Variants in ATP10A observed in about 807,000 individuals in gnomAD.
The protein encoded by ATP10A is phospholipid-transporting ATPase VA.
A neutral mutation model predicts 147.8 loss-of-function variants in ATP10A; 111 were observed. That is an observed-to-expected ratio of 0.75 (90% CI 0.64 to 0.88). The LOEUF (loss-of-function observed/expected upper bound fraction) is 0.88, where lower values mean the gene tolerates loss of function less well. ATP10A is among the 40% of genes least tolerant of loss of function. ATP10A has a pLI of 0.00. For synonymous variants in ATP10A, 875 were observed against 841.6 expected (o/e 1.04, Z -0.69); for missense variants, 1,927 against 1,959.0 (o/e 0.98, Z 0.31).
intron 1 of ATP10A, among the ~76,000 whole-genome samples, chr15:25,833,465 C>A (rs867588201): frequency 1.3e-5 from 2 of 152,080 alleles, no homozygotes; most frequent in Admixed American, 6.6e-5. Context: ...CTTGTGATAA[C>A]CCTCACTTTT....
chr15:25,687,845 A>T lies in ATP10A; in HGVS notation c.3166-17T>A, dbSNP rs1354506992. On this transcript the variant is annotated splice_polypyrimidine_tract_variant and intron_variant, in intron 15 of 20. Coordinates refer to ENST00000555815, the MANE Select transcript of ATP10A (RefSeq NM_024490.4). ...CATCACTGCCTTCAAAGGGAGAGGGATTCCTGTTACTGGTGATGCCGACCT... is the reference window on the plus strand; with the variant it reads ...CATCACTGCCTTCAAAGGGAGAGGGTTTCCTGTTACTGGTGATGCCGACCT... 6.2e-7 allele frequency: 1 copy of T among 1,613,732 alleles called. No individual in the cohort carries two copies. The highest frequency in any genetic ancestry group is 8.5e-7 in the Non-Finnish European group (1 of 1,179,806).
chr15:25,748,900 C>CAA (rs763523700), intron 2 of ATP10A, among the ~76,000 whole-genome samples: 1 of 136,394 alleles, frequency 7.3e-6, no homozygotes. Context: ...ACTAAAAATA[C>CAA]AAAAAAAAAA....
chr15:25,723,958 T>C lies in ATP10A; in HGVS notation c.1043A>G (p.Asp348Gly). The C allele has an allele frequency of 6.2e-7, 1 of 1,611,532 alleles. No individual in the cohort carries two copies. Among genetic ancestry groups the C allele is most frequent in the Non-Finnish European group, 8.5e-7 (1 of 1,179,068 alleles). Residue 348 changes from aspartate to glycine, a missense_variant, in exon 6 of 21, where the codon GAT becomes GGT. Asp to Gly is a moderately conservative substitution (Grantham distance 94). Coordinates refer to ENST00000555815, the MANE Select transcript of ATP10A (RefSeq NM_024490.4). ...TGTGACTGGGGATAAGGAGCTTCCA[T>C]CAGACTTGGGGACATAAAATAATGA... ...KKSLFYVPKS[D>G]GSSLSPVTAA...
chr15:25,856,048 T>C (rs140970592), intron 1 of ATP10A, among the ~76,000 whole-genome samples: 26 of 152,308 alleles, frequency 1.7e-4, no homozygotes, highest in African/African-American at 5.8e-4. Flanking sequence ...TCTGTACTAT[T>C]TTTGCAACTT....
intron 12 of ATP10A, among the ~76,000 whole-genome samples, chr15:25,707,679 C>T (rs568539833): frequency 6.6e-6 from 1 of 152,236 alleles, no homozygotes; most frequent in South Asian, 2.1e-4. Context: ...CTTTCAACTC[C>T]CAACTGTCAG....
intron 5 of ATP10A, among the ~76,000 whole-genome samples, chr15:25,725,345 G>A (rs1409249727): frequency 6.6e-6 from 1 of 152,172 alleles, no homozygotes; most frequent in Non-Finnish European, 1.5e-5. Context: ...AAAGTATAGA[G>A]GAGGGTATAG....
At chr15:25,824,317 T>C (rs1163609908) in intron 1 of ATP10A, among the ~76,000 whole-genome samples, 1 of 151,502 alleles carries the variant, frequency 6.6e-6, no homozygotes, top group Non-Finnish European at 1.5e-5. Context: ...ATTAAAAAAA[T>C]ACAAAGAAAT....
intron 1 of ATP10A, among the ~76,000 whole-genome samples, chr15:25,839,280 T>C (rs980795957): frequency 1.3e-5 from 2 of 152,190 alleles, no homozygotes; most frequent in African/African-American, 4.8e-5. Flanking sequence ...CAAGAACAAG[T>C]ACATTAAAAT....
chr15:25,723,742 G>C, intron 6 of ATP10A, 149 bp downstream of exon 6: 2 of 607,478 alleles, frequency 3.3e-6, no homozygotes, highest in East Asian at 6.7e-5. Flanking sequence ...TGGTGATTTA[G>C]GCTGAAAAAT....
chr15:25,726,120 C>A (rs769770634), intron 4 of ATP10A, 38 bp from the exon 5 acceptor site: 19 of 1,604,122 alleles, frequency 1.2e-5, no homozygotes, highest in Non-Finnish European at 1.5e-5. Flanking sequence ...AAGTCAGAGA[C>A]TGGAGCTAAG....
At chr15:25,736,201 G>A (rs1887268407) in intron 2 of ATP10A, 60 bp from the exon 3 acceptor site, 7 of 1,420,862 alleles carry the variant, frequency 4.9e-6, no homozygotes, top group East Asian at 2.3e-5. Flanking sequence ...CGTTCTAAAA[G>A]GCACTCGCTT....
At chr15:25,842,177 C>T (rs370765422) in intron 1 of ATP10A, among the ~76,000 whole-genome samples, 8 of 152,252 alleles carry the variant, frequency 5.3e-5, no homozygotes, top group South Asian at 4.2e-4. Context: ...GGGTGTGGAG[C>T]GGGCCTTGGG....
At chr15:25,810,763 G>T (rs911684448) in intron 1 of ATP10A, among the ~76,000 whole-genome samples, 1 of 152,048 alleles carries the variant, frequency 6.6e-6, no homozygotes. Context: ...AAAATAGCAC[G>T]CCAGGGATTC....
At chr15:25,707,935 C>A in intron 12 of ATP10A, 41 bp downstream of exon 12, 1 of 1,603,240 alleles carries the variant, frequency 6.2e-7, no homozygotes, top group Non-Finnish European at 8.5e-7. Flanking sequence ...TCCCTGCAAA[C>A]TCCACACTGC....
At chr15:25,856,225 G>A (rs1285318349) in intron 1 of ATP10A, among the ~76,000 whole-genome samples, 1 of 152,150 alleles carries the variant, frequency 6.6e-6, no homozygotes, top group Non-Finnish European at 1.5e-5. Context: ...GAATCATGGA[G>A]GCGGTTTCCT....
At chr15:25,799,194 C>T (rs1464060449) in intron 1 of ATP10A, among the ~76,000 whole-genome samples, 1 of 152,114 alleles carries the variant, frequency 6.6e-6, no homozygotes, top group African/African-American at 2.4e-5. Flanking sequence ...CACAGACTTC[C>T]CTGATGGTGT....
intron 2 of ATP10A, among the ~76,000 whole-genome samples, chr15:25,753,931 C>T (rs150469806): frequency 0.018 from 2,675 of 152,016 alleles, 39 homozygotes; most frequent in Middle Eastern, 0.041. Flanking sequence ...TGCACACCAC[C>T]ACACTTAGCT....
At chr15:25,798,386 C>T (rs1567392571) in intron 1 of ATP10A, among the ~76,000 whole-genome samples, 3 of 152,150 alleles carry the variant, frequency 2.0e-5, no homozygotes, top group South Asian at 2.1e-4. Flanking sequence ...CTCCCCCTGC[C>T]CCAGGCAGTC....
At position 25,708,032 on chromosome 15, in the gene ATP10A, CT is replaced by C. The variant is rs1378695388; in HGVS notation, c.2518del (p.Ser840AlafsTer19). 8 of 1,614,064 alleles carry C rather than the reference CT, an allele frequency of 5.0e-6. No individual in the cohort carries two copies. Among genetic ancestry groups the C allele is most frequent in the Admixed American group, 1.7e-5 (1 of 60,002 alleles). On this transcript the variant is annotated frameshift_variant, in exon 12 of 21. Coordinates refer to ENST00000555815, the MANE Select transcript of ATP10A (RefSeq NM_024490.4). LOFTEE classifies it high-confidence loss of function. ...HLEAESSLEN[S>X]EELLFQSAIR... ...GGCAGACTGGAAGAGGAGCTCCTCG[CT>C]GTTTTCCAGGGAGGATTCGGCTTCT...
Sources: allele counts gnomAD v4.1 joint callset (sites outside exome capture counted in the v4.1 genomes callset), GRCh38; gene constraint gnomAD v4.1.1; transcripts MANE v1.5; gene names NCBI Gene and HGNC (gene_info 2026-07-23, HGNC 2026-07-21).